MAN1B1: variants seen among roughly 807,000 people sequenced by gnomAD.
MAN1B1 encodes the protein mannosidase alpha class 1B member 1.
MAN1B1 carries 66 observed loss-of-function variants against 75.5 expected under a neutral mutation model. That is an observed-to-expected ratio of 0.87 (90% CI 0.72 to 1.07). The LOEUF (loss-of-function observed/expected upper bound fraction) is 1.07. Ranked by LOEUF, MAN1B1 falls within the 50% of genes least tolerant of loss-of-function variation. The pLI, the probability that MAN1B1 is intolerant of heterozygous loss-of-function variation, is 0.00. For synonymous variants in MAN1B1, 453 were observed against 382.8 expected (o/e 1.18, Z -2.14); for missense variants, 973 against 912.5 (o/e 1.07, Z -0.85).
At chr9:137,105,953 G>A (rs766585981) in intron 8 of MAN1B1, 172 bp from the exon 9 acceptor site, 23 of 704,720 alleles carry the variant, frequency 3.3e-5, no homozygotes, top group Admixed American at 1.4e-4. Flanking sequence ...TGTGTGGTAC[G>A]GCCACCAGGA....
chr9:137,097,369 T>C (rs530978053), intron 4 of MAN1B1, among the ~76,000 whole-genome samples: 242 of 152,308 alleles, frequency 1.6e-3, no homozygotes, highest in African/African-American at 5.4e-3. Context: ...CACAACCTCA[T>C]AGCTGTTCCT....
chr9:137,096,687 C>T (rs549750522), intron 4 of MAN1B1, among the ~76,000 whole-genome samples: 44 of 152,312 alleles, frequency 2.9e-4, no homozygotes, highest in Middle Eastern at 3.4e-3. Flanking sequence ...CAGAGGTGGA[C>T]GCTGGCTGCC....
At chr9:137,087,244 G>T in intron 1 of MAN1B1, 26 bp downstream of exon 1, 1 of 1,553,486 alleles carries the variant, frequency 6.4e-7, no homozygotes. Flanking sequence ...GGCTGACTGG[G>T]GCCCGGGGCT....
chr9:137,105,850 G>A (rs1253026658), intron 8 of MAN1B1: 1 of 622,758 alleles, frequency 1.6e-6, no homozygotes, highest in Non-Finnish European at 3.0e-6. Flanking sequence ...TTCGAGTAAG[G>A]GATGAGAGCC....
At chr9:137,105,952 C>T (rs761002884) in intron 8 of MAN1B1, 173 bp from the exon 9 acceptor site, 17 of 703,500 alleles carry the variant, frequency 2.4e-5, no homozygotes, top group African/African-American at 8.7e-5. Context: ...CTGTGTGGTA[C>T]GGCCACCAGG....
intron 8 of MAN1B1, chr9:137,105,401 T>G: frequency 5.5e-6 from 1 of 180,910 alleles, no homozygotes; most frequent in Non-Finnish European, 1.1e-5. Context: ...AGAAGGCGTT[T>G]TCACTGCAGC....
intron 1 of MAN1B1, 117 bp from the exon 2 acceptor site, chr9:137,087,958 T>C (rs1266179854): frequency 3.5e-6 from 3 of 860,032 alleles, no homozygotes; most frequent in East Asian, 4.9e-5. Context: ...AAAAAAGAAA[T>C]AGAGCTGAAC....
At chr9:137,102,348 G>A (rs538466992) in intron 8 of MAN1B1, 50 of 428,982 alleles carry the variant, frequency 1.2e-4, no homozygotes, top group Non-Finnish European at 1.6e-4. Flanking sequence ...CGTGCAGGTC[G>A]GTGGTGTTAC....
chr9:137,087,500 C>G (rs1312463925), intron 1 of MAN1B1: 2 of 644,092 alleles, frequency 3.1e-6, no homozygotes, highest in Admixed American at 2.1e-5. Flanking sequence ...TCTGCAAGGT[C>G]CTGGCCCAGG....
intron 3 of MAN1B1, among the ~76,000 whole-genome samples, chr9:137,093,136 C>T (rs753364921): frequency 7.2e-5 from 11 of 152,188 alleles, no homozygotes; most frequent in Admixed American, 2.0e-4. Context: ...CCTGTAGTCC[C>T]AGCACTTTGG....
At chr9:137,104,069 C>T (rs1831007237) in intron 8 of MAN1B1, 1 of 451,552 alleles carries the variant, frequency 2.2e-6, no homozygotes, top group Non-Finnish European at 4.5e-6. Context: ...GTGCAGCTAT[C>T]ACTTCCATCT....
intron 3 of MAN1B1, among the ~76,000 whole-genome samples, chr9:137,094,914 A>C (rs532345719): frequency 6.6e-6 from 1 of 151,344 alleles, no homozygotes; most frequent in African/African-American, 2.4e-5. Context: ...CAGGCTGGGC[A>C]TGGTGGCTCA....
At position 137,108,474 on chromosome 9, in the gene MAN1B1, G is replaced by C; in HGVS notation, c.1983G>C (p.Leu661=). The C allele has an allele frequency of 6.2e-7, 1 of 1,613,916 alleles. No individual in the cohort carries two copies. Among genetic ancestry groups the C allele is most frequent in the Non-Finnish European group, 8.5e-7 (1 of 1,179,950 alleles). Residue 661 remains leucine (L), a synonymous_variant, in exon 13 of 13, where the codon CTG becomes CTC. Coordinates refer to ENST00000371589, the MANE Select transcript of MAN1B1 (RefSeq NM_016219.5). ...EPRDKMESFF[L]GETLKYLFLL... is the part of the protein sequence containing the mutation. ...GGGACAAGATGGAGAGCTTCTTCCT[G>C]GGGGAGACGCTCAAGTATCTGTTCT...
intron 3 of MAN1B1, among the ~76,000 whole-genome samples, chr9:137,093,162 G>A (rs1830559447): frequency 3.3e-5 from 5 of 152,162 alleles, no homozygotes; most frequent in Admixed American, 2.6e-4. Flanking sequence ...CGAGGCAGGC[G>A]GATCACTTGA....
At chr9:137,103,666 G>C (rs574100966) in intron 8 of MAN1B1, 3 of 429,634 alleles carry the variant, frequency 7.0e-6, no homozygotes, top group South Asian at 1.7e-5. Flanking sequence ...ACTTGCAGGC[G>C]TGCAGGTCGG....
Position 137,106,699 on chromosome 9 carries a change from G to A in MAN1B1, c.1456G>A (p.Asp486Asn). ...TGCTGGTGTCCACAGGCTGCTGGAA[G>A]ACTACGTGGAAGCCATCGAGGGTGT... ...GGKQETQLLE[D>N]YVEAIEGVRT... The change falls in exon 10 of 13, where the codon GAC (aspartate) becomes AAC (asparagine). Residue 486 changes from aspartate (D) to asparagine (N), a missense_variant. By Grantham distance (23) the Asp-to-Asn change is conservative. Coordinates refer to ENST00000371589, the MANE Select transcript of MAN1B1 (RefSeq NM_016219.5). 6.2e-7 allele frequency: 1 copy of A among 1,613,506 alleles called. No homozygotes were observed. Among genetic ancestry groups the A allele is most frequent in the Non-Finnish European group, 8.5e-7 (1 of 1,180,008 alleles).
chr9:137,101,091 A>T lies in MAN1B1; in HGVS notation c.1003A>T (p.Ile335Phe). The change falls in exon 7 of 13, where the codon ATC becomes TTC. Residue 335 changes from isoleucine (I) to phenylalanine (F), a missense_variant. Ile to Phe is a conservative substitution (Grantham distance 21). Transcript: ENST00000371589. ...CAACCTGTTTGAGAGCACGATCCGCATCCTGGGGGGGCTCCTGAGTGCCTA... is the reference window on the plus strand; with the variant it reads ...CAACCTGTTTGAGAGCACGATCCGCTTCCTGGGGGGGCTCCTGAGTGCCTA... ...DVNLFESTIR[I>F]LGGLLSAYHL... The T allele has an allele frequency of 2.5e-6, 4 of 1,614,154 alleles. No homozygotes were observed. Among genetic ancestry groups the T allele is most frequent in the Non-Finnish European group, 3.4e-6 (4 of 1,180,032 alleles).
intron 3 of MAN1B1, among the ~76,000 whole-genome samples, chr9:137,095,913 G>C (rs1830638849): frequency 6.6e-6 from 1 of 152,200 alleles, no homozygotes; most frequent in African/African-American, 2.4e-5. Context: ...GAGGCCTGGG[G>C]ACCCAGAGGT....
At chr9:137,107,896 C>T in intron 12 of MAN1B1, 2 of 657,594 alleles carry the variant, frequency 3.0e-6, no homozygotes, top group Non-Finnish European at 2.8e-6. Context: ...GGGCACCCCT[C>T]ATTTTCATTT....
Sources: gnomAD v4.1 joint callset for allele counts (sites outside exome capture counted in the v4.1 genomes callset) on GRCh38, gnomAD v4.1.1 for gene constraint, MANE v1.5 for transcripts, NCBI Gene and HGNC (gene_info 2026-07-23, HGNC 2026-07-21) for gene names.